SLC25A11: variants seen among roughly 807,000 people sequenced by gnomAD.
SLC25A11 encodes the protein mitochondrial 2-oxoglutarate/malate carrier protein.
Under a neutral mutation model 32.7 loss-of-function variants are expected in SLC25A11, and 11 were observed. That is an observed-to-expected ratio of 0.34 (90% CI 0.21 to 0.56). The LOEUF (loss-of-function observed/expected upper bound fraction) is 0.56, where lower values mean the gene tolerates loss of function less well. Among genes scored for constraint, SLC25A11 ranks in the 20% least tolerant of loss-of-function variants. The pLI is 0.90. For synonymous variants in SLC25A11, 163 were observed against 168.3 expected (o/e 0.97, Z 0.24); for missense variants, 295 against 426.3 (o/e 0.69, Z 2.71).
In SLC25A11 at chr17:4,937,789, G is replaced by A. The variant is rs1216693315; in HGVS notation, c.897C>T (p.Phe299=). The change falls in exon 8 of 8, where the codon TTC becomes TTT. Residue 299 remains phenylalanine (F), a synonymous_variant. Transcript: ENST00000225665. ...LGPHTVLTFI[F]LEQMNKAYKR... ...TGTAGGCCTTGTTCATCTGCTCCAA[G>A]AAGATGAAGGTGAGGACGGTGTGGG... 1.1e-5 allele frequency: 17 copies of A among 1,613,922 alleles called. No individual in the cohort carries two copies. Among genetic ancestry groups the A allele is most frequent in the Non-Finnish European group, 1.4e-5 (17 of 1,179,984 alleles).
chr17:4,938,419 G>C lies in SLC25A11; in HGVS notation c.557C>G (p.Pro186Arg). Residue 186 changes from proline to arginine, a missense_variant, in exon 5 of 8, where the codon CCT becomes CGT. Around this residue, in one of 3 missense-constraint regions of SLC25A11, gnomAD observed 142 missense variants for 197.8 expected, o/e 0.72. Coordinates refer to ENST00000225665, the MANE Select transcript of SLC25A11 (RefSeq NM_003562.5). This position sits in a 1 kb window ranked among gnomAD's most constrained non-coding sequence, Gnocchi z 7.6. ...GVLTLWRGCI[P>R]TMARAVVVNA... Reference sequence around the variant, plus strand: ...GACGACGACGGCCCGAGCCATGGTAGGGATGCAGCCCTGGAGGGAGGGGAG... The same window carrying C: ...GACGACGACGGCCCGAGCCATGGTACGGATGCAGCCCTGGAGGGAGGGGAG... 1.2e-6 allele frequency: 2 copies of C among 1,614,154 alleles called. No individual in the cohort carries two copies. The highest frequency in any genetic ancestry group is 1.7e-6 in the Non-Finnish European group (2 of 1,180,034).
rs375769507 is a variant in SLC25A11 at position 4,938,566 on chromosome 17, C to G, written c.492G>C (p.Val164=). ...GGGTGATTCGAATCAGGGCGTTAAA[C>G]ACATTTTTGTAGCCACGGCGCTGGT... The part of the protein sequence containing the change: ...PADQRRGYKN[V]FNALIRITRE... Residue 164 remains valine, a synonymous_variant, in exon 4 of 8, where the codon GTG becomes GTC. Transcript: ENST00000225665. This position sits in a 1 kb window ranked among gnomAD's most constrained non-coding sequence, Gnocchi z 7.6. 583 of 1,613,994 alleles carry G rather than the reference C, an allele frequency of 3.6e-4. No individual in the cohort carries two copies. Among genetic ancestry groups the G allele is most frequent in the Non-Finnish European group, 4.7e-4 (558 of 1,180,012 alleles).
chr17:4,938,009 A>C lies in SLC25A11; in HGVS notation c.789+14T>G. ...CCGACACCCCCTCCCAGGCCCCCAG[A>C]ATGGCTTCCTCACCAGCCCGTTCTT... On this transcript the variant is annotated intron_variant, in intron 7 of 7. Coordinates refer to ENST00000225665, the MANE Select transcript of SLC25A11 (RefSeq NM_003562.5). The surrounding 1 kb of genome is among the most constrained non-coding windows in gnomAD (Gnocchi z 7.6). 6.2e-7 allele frequency: 1 copy of C among 1,614,112 alleles called. No homozygotes were observed.
At position 4,939,514 on chromosome 17, in the gene SLC25A11, G is replaced by A. The variant is rs1970578876; in HGVS notation, c.95+302C>T. The stretch of plus-strand genomic sequence containing the variant: ...GGGAGGAAGGGGCATCCAAGATTTA[G>A]GACTCCAGGTAGTCCTGCAGGAGCC... On this transcript the variant is annotated intron_variant, in intron 1 of 7. Transcript: ENST00000225665. The surrounding 1 kb of genome is among the most constrained non-coding windows in gnomAD (Gnocchi z 4.1). The A allele has an allele frequency of 1.7e-6, 1 of 575,456 alleles. No homozygotes were observed. The highest frequency in any genetic ancestry group is 3.1e-6 in the Non-Finnish European group (1 of 325,066). 35.6% of individuals were successfully genotyped at this position (575,456 alleles called of 1,614,324 possible).
In SLC25A11 at chr17:4,937,597, G is replaced by C. The variant is rs1046536576; in HGVS notation, c.*144C>G. ...CGAGCAGGGCAAGCTGGAGCAGGGG[G>C]TAGAACAGACCAAGTCCTTTACCGC... is the stretch of plus-strand genomic sequence containing the variant. On this transcript the variant is annotated 3_prime_UTR_variant, in exon 8 of 8. Transcript: ENST00000225665. 1 of 938,102 alleles carries C rather than the reference G, an allele frequency of 1.1e-6. No individual in the cohort carries two copies. Among genetic ancestry groups the C allele is most frequent in the South Asian group, 1.8e-5 (1 of 56,130 alleles). 58.1% of individuals were successfully genotyped at this position (938,102 alleles called of 1,614,324 possible).
In SLC25A11 at chr17:4,939,005, C is replaced by T. The variant is rs887978597; in HGVS notation, c.249-30G>A. On this transcript the variant is annotated intron_variant, in intron 2 of 7. Transcript: ENST00000225665. This position sits in a 1 kb window ranked among gnomAD's most constrained non-coding sequence, Gnocchi z 4.1. ...GGAGCAGAGGGGTCAGCATATCAGG[C>T]CAAGGTCTAGAGCTGCCAACCCACA... is the stretch of plus-strand genomic sequence containing the variant. The T allele has an allele frequency of 3.1e-6, 5 of 1,614,044 alleles. No homozygotes were observed. Among genetic ancestry groups the T allele is most frequent in the Non-Finnish European group, 3.4e-6 (4 of 1,180,024 alleles).
Position 4,937,194 on chromosome 17 carries a change from C to A in SLC25A11, c.*547G>T, listed in dbSNP as rs1379953887. ...AGATTTATACAGCATTTGCAAAAAACCAGCGGCTGCTTTTTCTTTAACAAT... is the reference window on the plus strand; with the variant it reads ...AGATTTATACAGCATTTGCAAAAAAACAGCGGCTGCTTTTTCTTTAACAAT... On this transcript the variant is annotated 3_prime_UTR_variant, in exon 8 of 8. Transcript: ENST00000225665. 6.6e-6 allele frequency: 1 copy of A among 152,248 alleles called. No homozygotes were observed. Among genetic ancestry groups the A allele is most frequent in the African/African-American group, 2.4e-5 (1 of 41,442 alleles). 9.4% of individuals were successfully genotyped at this position (152,248 alleles called of 1,614,324 possible). A position where few individuals can be genotyped will look rare whatever the true frequency, so the allele number is the denominator to read the frequency against.
rs746119605 is a variant in SLC25A11 at position 4,937,753 on chromosome 17, G to A, written c.933C>T (p.Phe311=). 3 of 1,610,214 alleles carry A rather than the reference G, an allele frequency of 1.9e-6. No homozygotes were observed. Among genetic ancestry groups the A allele is most frequent in the Non-Finnish European group, 2.5e-6 (3 of 1,178,314 alleles). The part of the protein sequence containing the change: ...EQMNKAYKRL[F]LSG ...GCCCCCGGCCGCTTCAGCCACTGAG[G>A]AAGAGACGCTTGTAGGCCTTGTTCA... is the stretch of plus-strand genomic sequence containing the variant. Residue 311 remains phenylalanine, a synonymous_variant, in exon 8 of 8, where the codon TTC becomes TTT. Transcript: ENST00000225665.
Position 4,939,610 on chromosome 17 carries a change from C to G in SLC25A11, c.95+206G>C. On this transcript the variant is annotated intron_variant, in intron 1 of 7. Transcript: ENST00000225665. This position sits in a 1 kb window ranked among gnomAD's most constrained non-coding sequence, Gnocchi z 4.1. ...GCGCTGGGAAACTCAGCTGGCCCGG[C>G]GGGGGTTGTGCAACGACCCTGCATG... 1.7e-6 allele frequency: 1 copy of G among 599,954 alleles called. No individual in the cohort carries two copies. Among genetic ancestry groups the G allele is most frequent in the Non-Finnish European group, 2.9e-6 (1 of 339,718 alleles). The allele number at this position is 599,954 out of a possible 1,614,324, so 37.2% of individuals were successfully genotyped here.
At position 4,938,272 on chromosome 17, in the gene SLC25A11, G is replaced by A; in HGVS notation, c.638-19C>T. 1.2e-6 allele frequency: 2 copies of A among 1,612,660 alleles called. No homozygotes were observed. The highest frequency in any genetic ancestry group is 1.1e-5 in the South Asian group (1 of 91,022). On this transcript the variant is annotated intron_variant, in intron 5 of 7. Transcript: ENST00000225665. This position sits in a 1 kb window ranked among gnomAD's most constrained non-coding sequence, Gnocchi z 7.6. ...AAGTAGCCTGGGGGAGGTGAGGCGG[G>A]GGTGGCAGTCAGCTCAGAGGTGGCT...
rs770326942 is a variant in SLC25A11, at chr17:4,939,770, G to A, written c.95+46C>T. 2 of 1,498,980 alleles carry A rather than the reference G, an allele frequency of 1.3e-6. No homozygotes were observed. Among genetic ancestry groups the A allele is most frequent in the Non-Finnish European group, 1.8e-6 (2 of 1,081,594 alleles). The allele number at this position is 1,498,980 out of a possible 1,614,324, so 92.9% of individuals were successfully genotyped here. On this transcript the variant is annotated intron_variant, in intron 1 of 7. Coordinates refer to ENST00000225665, the MANE Select transcript of SLC25A11 (RefSeq NM_003562.5). The surrounding 1 kb of genome is among the most constrained non-coding windows in gnomAD (Gnocchi z 4.1). ...AGATGAACCGGGCCCGGTTCCTTTTGCCCTTCCCTTCCTCCTCTTTTCCCA... is the reference window on the plus strand; with the variant it reads ...AGATGAACCGGGCCCGGTTCCTTTTACCCTTCCCTTCCTCCTCTTTTCCCA...
chr17:4,939,044 C>T lies in SLC25A11; in HGVS notation c.248+16G>A. 6.2e-7 allele frequency: 1 copy of T among 1,614,230 alleles called. No individual in the cohort carries two copies. Among genetic ancestry groups the T allele is most frequent in the Non-Finnish European group, 8.5e-7 (1 of 1,180,046 alleles). ...TGCCAACCCACAGTCTACCCTCCAT[C>T]CTGAGGCCCCAATACCCAGTGTAAA... On this transcript the variant is annotated intron_variant, in intron 2 of 7. Coordinates refer to ENST00000225665, the MANE Select transcript of SLC25A11 (RefSeq NM_003562.5). The surrounding 1 kb of genome is among the most constrained non-coding windows in gnomAD (Gnocchi z 4.1).
Position 4,937,792 on chromosome 17 carries a change from G to T in SLC25A11, c.894C>A (p.Ile298=). Reference sequence around the variant, plus strand: ...AGGCCTTGTTCATCTGCTCCAAGAAGATGAAGGTGAGGACGGTGTGGGGGC... The same window carrying T: ...AGGCCTTGTTCATCTGCTCCAAGAATATGAAGGTGAGGACGGTGTGGGGGC... ...RLGPHTVLTF[I]FLEQMNKAYK... is the part of the protein sequence containing the mutation. The change falls in exon 8 of 8, where the codon ATC becomes ATA. Residue 298 remains isoleucine, a synonymous_variant. Coordinates refer to ENST00000225665, the MANE Select transcript of SLC25A11 (RefSeq NM_003562.5). 1 of 1,614,106 alleles carries T rather than the reference G, an allele frequency of 6.2e-7. No homozygotes were observed. Among genetic ancestry groups the T allele is most frequent in the South Asian group, 1.1e-5 (1 of 91,086 alleles).
Position 4,938,107 on chromosome 17 carries a change from G to A in SLC25A11, c.738-33C>T, listed in dbSNP as rs760753520. 8.1e-6 allele frequency: 13 copies of A among 1,613,992 alleles called. No homozygotes were observed. The highest frequency in any genetic ancestry group is 5.5e-5 in the South Asian group (5 of 91,082). On this transcript the variant is annotated intron_variant, in intron 6 of 7. Coordinates refer to ENST00000225665, the MANE Select transcript of SLC25A11 (RefSeq NM_003562.5). This position sits in a 1 kb window ranked among gnomAD's most constrained non-coding sequence, Gnocchi z 7.6. ...AGAGGACGCAGGGGCATGAGAGACC[G>A]AAAGGGCACCCTCCCACCCACCTCC...
chr17:4,938,061 G>C lies in SLC25A11; in HGVS notation c.751C>G (p.Arg251Gly), dbSNP rs533954470. ...DIAKTRIQNM[R>G]MIDGKPEYKN... The stretch of plus-strand genomic sequence containing the variant: ...TATTCCGGCTTCCCATCAATCATCC[G>C]CATGTTCTGGATTCTGCAGGAGAGG... Residue 251 changes from arginine (R) to glycine (G), a missense_variant, in exon 7 of 8, where the codon CGG (arginine) becomes GGG (glycine). By Grantham distance (125) the Arg-to-Gly change is moderately radical. Coordinates refer to ENST00000225665, the MANE Select transcript of SLC25A11 (RefSeq NM_003562.5). This position sits in a 1 kb window ranked among gnomAD's most constrained non-coding sequence, Gnocchi z 7.6. 6.2e-7 allele frequency: 1 copy of C among 1,614,074 alleles called. No individual in the cohort carries two copies. The highest frequency in any genetic ancestry group is 8.5e-7 in the Non-Finnish European group (1 of 1,180,016).
At position 4,938,854 on chromosome 17, in the gene SLC25A11, C is replaced by T; in HGVS notation, c.370G>A (p.Val124Met). The T allele has an allele frequency of 6.2e-7, 1 of 1,614,176 alleles. No homozygotes were observed. The highest frequency in any genetic ancestry group is 8.5e-7 in the Non-Finnish European group (1 of 1,180,028). The stretch of plus-strand genomic sequence containing the variant: ...GTGGCACCTGCGGTCATGCCAATCA[C>T]AGCCTTCAGCAGAAAGCCAGGGGGA... Reference protein sequence around the residue: ...GTPPGFLLKAVIGMTAGATGA... With the variant: ...GTPPGFLLKAMIGMTAGATGA... Residue 124 changes from valine (V) to methionine (M), a missense_variant, in exon 3 of 8, where the codon GTG (valine) becomes ATG (methionine). Val to Met is a conservative substitution (Grantham distance 21). Around this residue, in one of 3 missense-constraint regions of SLC25A11, gnomAD observed 49 missense variants for 106.9 expected, o/e 0.46. Transcript: ENST00000225665. The surrounding 1 kb of genome is among the most constrained non-coding windows in gnomAD (Gnocchi z 7.6).
chr17:4,939,922 G>T lies in SLC25A11; in HGVS notation c.-12C>A. 6.2e-7 allele frequency: 1 copy of T among 1,605,604 alleles called. No individual in the cohort carries two copies. Among genetic ancestry groups the T allele is most frequent in the Non-Finnish European group, 8.5e-7 (1 of 1,176,306 alleles). On this transcript the variant is annotated 5_prime_UTR_variant, in exon 1 of 8. Transcript: ENST00000225665. This position sits in a 1 kb window ranked among gnomAD's most constrained non-coding sequence, Gnocchi z 4.1. ...GCCGTCGCCGCCATCGCCACTCAATGGCCCTCGGCTCCGGGTCCCGTGCGC... is the reference window on the plus strand; with the variant it reads ...GCCGTCGCCGCCATCGCCACTCAATTGCCCTCGGCTCCGGGTCCCGTGCGC...
Position 4,938,419 on chromosome 17 carries a change from G to T in SLC25A11, c.557C>A (p.Pro186His). ...GACGACGACGGCCCGAGCCATGGTAGGGATGCAGCCCTGGAGGGAGGGGAG... is the reference window on the plus strand; with the variant it reads ...GACGACGACGGCCCGAGCCATGGTATGGATGCAGCCCTGGAGGGAGGGGAG... ...GVLTLWRGCI[P>H]TMARAVVVNA... Residue 186 changes from proline (P) to histidine (H), a missense_variant, in exon 5 of 8, where the codon CCT becomes CAT. Pro to His is a moderately conservative substitution (Grantham distance 77). Coordinates refer to ENST00000225665, the MANE Select transcript of SLC25A11 (RefSeq NM_003562.5). The surrounding 1 kb of genome is among the most constrained non-coding windows in gnomAD (Gnocchi z 7.6). The T allele has an allele frequency of 6.2e-7, 1 of 1,614,154 alleles. No individual in the cohort carries two copies. Among genetic ancestry groups the T allele is most frequent in the Non-Finnish European group, 8.5e-7 (1 of 1,180,034 alleles).
In SLC25A11 at chr17:4,938,041, C is replaced by T. The variant is rs766715912; in HGVS notation, c.771G>A (p.Pro257=). 82 of 1,614,168 alleles carry T rather than the reference C, an allele frequency of 5.1e-5. 1 individual carries two copies. In the South Asian group the frequency reaches 6.8e-4, roughly 13 times the overall value. The change falls in exon 7 of 8, where the codon CCG becomes CCA. Residue 257 remains proline, a synonymous_variant. Transcript: ENST00000225665. This position sits in a 1 kb window ranked among gnomAD's most constrained non-coding sequence, Gnocchi z 7.6. The stretch of plus-strand genomic sequence containing the variant: ...TCCTCACCAGCCCGTTCTTGTATTC[C>T]GGCTTCCCATCAATCATCCGCATGT... ...IQNMRMIDGK[P]EYKNGLDVLF...
Sources: gnomAD v4.1 joint callset for allele counts on GRCh38, gnomAD v4.1.1 for gene constraint, gnomAD v4.1.1 regional missense constraint, Gnocchi (gnomAD v3.1) non-coding constraint, MANE v1.5 for transcripts, NCBI Gene and HGNC (gene_info 2026-07-23, HGNC 2026-07-21) for gene names.